The following TIAM1 variants were observed in gnomAD, a reference collection of about 807,000 sequenced individuals.
The protein encoded by TIAM1 is rho guanine nucleotide exchange factor TIAM1.
TIAM1 carries 65 observed loss-of-function variants against 163.5 expected under a neutral mutation model. That is an observed-to-expected ratio of 0.40 (90% CI 0.33 to 0.49). The LOEUF (loss-of-function observed/expected upper bound fraction) is 0.49. Ranked by LOEUF, TIAM1 falls within the 20% of genes least tolerant of loss-of-function variation. The pLI is 0.77. For synonymous variants in TIAM1, 833 were observed against 810.1 expected, an observed-to-expected ratio of 1.03 and a Z score of -0.48; for missense variants, 1,789 against 2,044.7, an observed-to-expected ratio of 0.87 and a Z score of 2.41.
intron 27 of TIAM1, among the ~76,000 whole-genome samples, chr21:31,121,111 G>A (rs183406916): frequency 6.6e-6 from 1 of 152,104 alleles, no homozygotes; most frequent in African/African-American, 2.4e-5. Context: ...GGGCAAAGGG[G>A]CACTCAACTC....
intron 2 of TIAM1, among the ~76,000 whole-genome samples, chr21:31,293,044 G>C (rs1468257562): frequency 6.6e-6 from 1 of 152,002 alleles, no homozygotes; most frequent in East Asian, 1.9e-4. Flanking sequence ...GGATGGTCTT[G>C]AGCTACTGAC....
chr21:31,506,014 A>T (rs2047013831), intron 1 of TIAM1, among the ~76,000 whole-genome samples: 1 of 148,700 alleles, frequency 6.7e-6, no homozygotes, highest in East Asian at 2.0e-4. Context: ...CTGCCTCAAA[A>T]AAAAAAAAAA....
chr21:31,498,642 T>C (rs2046745226), intron 1 of TIAM1, among the ~76,000 whole-genome samples: 1 of 152,120 alleles, frequency 6.6e-6, no homozygotes, highest in Non-Finnish European at 1.5e-5. Flanking sequence ...AGTCAAGACA[T>C]GGGATGAGAA....
At chr21:31,425,827 G>T (rs1398428262) in intron 2 of TIAM1, among the ~76,000 whole-genome samples, 2 of 151,942 alleles carry the variant, frequency 1.3e-5, no homozygotes, top group Non-Finnish European at 2.9e-5. Context: ...TTCCCGAGTA[G>T]CTGGGATTAC....
intron 1 of TIAM1, among the ~76,000 whole-genome samples, chr21:31,543,107 T>A (rs1455817441): frequency 2.0e-5 from 3 of 152,252 alleles, no homozygotes; most frequent in Non-Finnish European, 4.4e-5. Context: ...CCTACCCTGC[T>A]TCCCCCTCAG....
At position 31,266,936 on chromosome 21, in the gene TIAM1, ACTCGTG is replaced by A; in HGVS notation, c.31_36del (p.His11_Glu12del). The A allele has an allele frequency of 6.2e-7, 1 of 1,609,146 alleles. No homozygotes were observed. On this transcript the variant is annotated inframe_deletion, in exon 4 of 28. Transcript: ENST00000541036. ...AGGCTGGCATGCTTTTCTCCATAAAACTCGTGCTCTACATGTTGACTTTCTGCGTTT... is the reference window on the plus strand; with the variant it reads ...AGGCTGGCATGCTTTTCTCCATAAAACTCTACATGTTGACTTTCTGCGTTT...
intron 9 of TIAM1, among the ~76,000 whole-genome samples, chr21:31,216,300 G>A (rs926177902): frequency 2.6e-5 from 4 of 152,060 alleles, no homozygotes; most frequent in Non-Finnish European, 4.4e-5. Context: ...GGAACTGTCC[G>A]AGCAAACAAG....
At chr21:31,227,634 G>A (rs115891154) in intron 6 of TIAM1, among the ~76,000 whole-genome samples, 1 of 152,164 alleles carries the variant, frequency 6.6e-6, no homozygotes, top group South Asian at 2.1e-4. Flanking sequence ...CACAGGTGAG[G>A]ACTTGTAGAT....
At position 31,400,889 on chromosome 21, in the gene TIAM1, G is replaced by A. The variant is rs1368242799; in HGVS notation, c.-368-61467C>T. The stretch of plus-strand genomic sequence containing the variant: ...GTGGATCACCTGAGGTCGGCAGTTC[G>A]AGACCAGCCTGACCAACATGGAGAA... On this transcript the variant is annotated intron_variant, in intron 2 of 28. Coordinates refer to the TIAM1 transcript ENST00000286827. 5.3e-5 allele frequency among the ~76,000 whole-genome samples: 8 copies of A among 151,922 alleles called. No individual in the cohort carries two copies. The South Asian group carries it at 8.3e-4, about 16-fold the overall frequency.
intron 2 of TIAM1, among the ~76,000 whole-genome samples, chr21:31,360,642 A>G (rs1466735508): frequency 1.3e-5 from 2 of 152,210 alleles, no homozygotes; most frequent in Non-Finnish European, 2.9e-5. Flanking sequence ...GACTCATGCA[A>G]CTGACAAGGA....
chr21:31,322,938 T>C (rs1296948752), intron 2 of TIAM1, among the ~76,000 whole-genome samples: 1 of 152,162 alleles, frequency 6.6e-6, no homozygotes, highest in Admixed American at 6.5e-5. Flanking sequence ...CTCGGTTCCT[T>C]GGTGGAGTCC....
At chr21:31,148,962 C>CTTTTT (rs75117725) in intron 19 of TIAM1, among the ~76,000 whole-genome samples, 1 of 31,598 alleles carries the variant, frequency 3.2e-5, no homozygotes, top group African/African-American at 9.0e-5. Context: ...TTTTCTTTTT[C>CTTTTT]TTTTTTTTTT....
intron 1 of TIAM1, among the ~76,000 whole-genome samples, chr21:31,506,489 A>C (rs923910327): frequency 6.6e-6 from 1 of 152,174 alleles, no homozygotes; most frequent in Non-Finnish European, 1.5e-5. Context: ...CGTCCAACAC[A>C]AACTCCCTTG....
chr21:31,537,214 C>T (rs1255183751), intron 1 of TIAM1, among the ~76,000 whole-genome samples: 3 of 152,134 alleles, frequency 2.0e-5, no homozygotes, highest in African/African-American at 4.8e-5. Flanking sequence ...TGTCCAAAGG[C>T]GGCCACATTC....
chr21:31,294,955 C>T (rs760014668), intron 2 of TIAM1, among the ~76,000 whole-genome samples: 2 of 152,188 alleles, frequency 1.3e-5, no homozygotes, highest in Non-Finnish European at 2.9e-5. Context: ...CTGCCATCTG[C>T]GCTGCGCCAC....
intron 20 of TIAM1, among the ~76,000 whole-genome samples, chr21:31,145,337 C>T (rs2083060582): frequency 6.6e-6 from 1 of 152,190 alleles, no homozygotes; most frequent in African/African-American, 2.4e-5. Context: ...AGCTAGTTCT[C>T]TTTGGCAGCA....
chr21:31,303,848 T>C (rs1232872754), intron 2 of TIAM1, among the ~76,000 whole-genome samples: 1 of 152,020 alleles, frequency 6.6e-6, no homozygotes, highest in Non-Finnish European at 1.5e-5. Context: ...CGTAGCGGCA[T>C]GCACCTGTAA....
chr21:31,439,054 C>T (rs1348229876), intron 2 of TIAM1, among the ~76,000 whole-genome samples: 3 of 152,102 alleles, frequency 2.0e-5, no homozygotes, highest in Admixed American at 1.3e-4. Context: ...CACTAGGTAG[C>T]GATTACCTGA....
At chr21:31,409,879 G>A (rs977174070) in intron 2 of TIAM1, among the ~76,000 whole-genome samples, 1 of 152,054 alleles carries the variant, frequency 6.6e-6, no homozygotes, top group South Asian at 2.1e-4. Flanking sequence ...GGGTTAAGGA[G>A]GCCTTTTTTT....
Sources: allele counts gnomAD v4.1 joint callset (sites outside exome capture counted in the v4.1 genomes callset), GRCh38; gene constraint gnomAD v4.1.1; transcripts MANE v1.5; gene names NCBI Gene and HGNC (gene_info 2026-07-23, HGNC 2026-07-21).